OXR1: variants seen among roughly 807,000 people sequenced by gnomAD.
The protein encoded by OXR1 is oxidation resistance 1, also known as oxidation resistance protein 1.
OXR1 carries 41 observed loss-of-function variants against 104.6 expected under a neutral mutation model. The observed-to-expected ratio is 0.39, with a 90% confidence interval of 0.31 to 0.51. The LOEUF is 0.51. OXR1 is among the 20% of genes least tolerant of loss of function. The pLI, the probability that OXR1 is intolerant of heterozygous loss-of-function variation, is 0.77. For missense variants in OXR1, 955 were observed against 1,031.9 expected (o/e 0.93, Z 1.02); for synonymous variants, 348 against 348.4 (o/e 1.00, Z 0.01).
At chr8:106,726,098 T>A (rs1442997971) in intron 11 of OXR1, 2 of 1,317,640 alleles carry the variant, frequency 1.5e-6, no homozygotes, top group East Asian at 5.6e-5. Context: ...GCTCTCTCTC[T>A]TGTCAATCAA....
chr8:106,441,455 C>T (rs950659082), intron 2 of OXR1, among the ~76,000 whole-genome samples: 27 of 151,988 alleles, frequency 1.8e-4, no homozygotes, highest in African/African-American at 6.5e-4. Flanking sequence ...CTGTGAAGAA[C>T]GTCAATGGTA....
intron 3 of OXR1, among the ~76,000 whole-genome samples, chr8:106,636,095 T>C (rs1443531973): frequency 1.3e-5 from 2 of 152,206 alleles, no homozygotes; most frequent in Non-Finnish European, 2.9e-5. Flanking sequence ...CAGTTCACTT[T>C]AATGGTTGAC....
In OXR1 at chr8:106,298,372, A is replaced by G. The variant is rs142163090; in HGVS notation, c.-139+28005A>G. On this transcript the variant is annotated intron_variant, in intron 1 of 16. Coordinates refer to ENST00000517566, the MANE Select transcript of OXR1 (RefSeq NM_001198533.2). ...GTGTGCCGGGGAACTGCCCTTTATAAAACCATCAGATCTTGTGAGACTTAT... is the reference window on the plus strand; with the variant it reads ...GTGTGCCGGGGAACTGCCCTTTATAGAACCATCAGATCTTGTGAGACTTAT... Among the ~76,000 whole-genome samples the G allele has an allele frequency of 2.2e-3, 335 of 152,282 alleles. 1 individual carries two copies. The highest frequency in any genetic ancestry group is 3.5e-3 in the Non-Finnish European group (239 of 68,016).
chr8:106,744,905 C>G (rs1363851033), intron 15 of OXR1, among the ~76,000 whole-genome samples: 1 of 152,066 alleles, frequency 6.6e-6, no homozygotes, highest in Non-Finnish European at 1.5e-5. Context: ...AACTAGCTCA[C>G]CAGAATAACC....
At chr8:106,524,265 C>A (rs1813485102) in intron 3 of OXR1, among the ~76,000 whole-genome samples, 1 of 152,136 alleles carries the variant, frequency 6.6e-6, no homozygotes, top group South Asian at 2.1e-4. Context: ...CAAAGAACTA[C>A]ATATAAGGAC....
chr8:106,309,168 G>A (rs1813593395), intron 1 of OXR1, among the ~76,000 whole-genome samples: 1 of 152,024 alleles, frequency 6.6e-6, no homozygotes, highest in African/African-American at 2.4e-5. Context: ...TTTTGGTAGA[G>A]ATGAGCTCTC....
In OXR1 at chr8:106,473,457, A is replaced by G. The variant is rs536626786; in HGVS notation, c.24-45486A>G. Among the ~76,000 whole-genome samples the G allele has an allele frequency of 2.4e-4, 36 of 152,054 alleles. No individual in the cohort carries two copies. The South Asian group carries it at 7.5e-3, about 32-fold the overall frequency. ...CCTCATGTTTTCGTTAGAAAAATCA[A>G]AGAAATGTTAGGGTTCTGAGTACTA... is the stretch of plus-strand genomic sequence containing the variant. On this transcript the variant is annotated intron_variant, in intron 2 of 16. Transcript: ENST00000517566.
chr8:106,314,807 G>A (rs1813858518), intron 1 of OXR1, among the ~76,000 whole-genome samples: 1 of 152,088 alleles, frequency 6.6e-6, no homozygotes. Flanking sequence ...CAGAGAACAA[G>A]TATCCTAATT....
At chr8:106,653,083 A>AATATATAT (rs71307081) in intron 3 of OXR1, among the ~76,000 whole-genome samples, 29 of 137,138 alleles carry the variant, frequency 2.1e-4, no homozygotes, top group African/African-American at 6.3e-4. Flanking sequence ...AAAAAAAAAA[A>AATATATAT]ATATATATAT....
At chr8:106,370,860 T>G (rs1339320839) in intron 2 of OXR1, among the ~76,000 whole-genome samples, 1 of 152,176 alleles carries the variant, frequency 6.6e-6, no homozygotes, top group African/African-American at 2.4e-5. Context: ...GATGTTTTCT[T>G]TTTTTCTTGT....
intron 2 of OXR1, among the ~76,000 whole-genome samples, chr8:106,392,636 T>C (rs1454005541): frequency 6.6e-6 from 1 of 152,138 alleles, no homozygotes; most frequent in East Asian, 1.9e-4. Context: ...GCATAAAAAA[T>C]TGGTAATGGG....
chr8:106,404,232 A>G (rs1818121652), intron 2 of OXR1, among the ~76,000 whole-genome samples: 1 of 152,108 alleles, frequency 6.6e-6, no homozygotes, highest in South Asian at 2.1e-4. Context: ...CTTCTGCTGC[A>G]TGGAGAAGCT....
chr8:106,517,610 T>C (rs932314710), intron 2 of OXR1, among the ~76,000 whole-genome samples: 1 of 152,196 alleles, frequency 6.6e-6, no homozygotes, highest in African/African-American at 2.4e-5. Flanking sequence ...TTCTCATCAC[T>C]GCACTTTGTA....
intron 2 of OXR1, among the ~76,000 whole-genome samples, chr8:106,482,642 T>C (rs1054725914): frequency 6.6e-6 from 1 of 152,088 alleles, no homozygotes; most frequent in Admixed American, 6.6e-5. Flanking sequence ...ATTACTGTAT[T>C]GACACAACAA....
chr8:106,609,188 C>T (rs1353658979), intron 3 of OXR1, among the ~76,000 whole-genome samples: 3 of 151,948 alleles, frequency 2.0e-5, no homozygotes, highest in East Asian at 1.9e-4. Context: ...GGGAGAGGAT[C>T]GCTTGAGCCC....
At chr8:106,453,124 G>C (rs991424877) in intron 2 of OXR1, among the ~76,000 whole-genome samples, 2 of 152,150 alleles carry the variant, frequency 1.3e-5, no homozygotes, top group Non-Finnish European at 2.9e-5. Context: ...TGCCTGGTCA[G>C]ATGTGACTGC....
At chr8:106,718,712 G>A (rs1052839384) in intron 11 of OXR1, among the ~76,000 whole-genome samples, 1 of 151,880 alleles carries the variant, frequency 6.6e-6, no homozygotes, top group African/African-American at 2.4e-5. Context: ...GGTGGCGGGC[G>A]CTTCTTGTTG....
At chr8:106,316,046 C>CT (rs1176727664) in intron 1 of OXR1, among the ~76,000 whole-genome samples, 18 of 152,156 alleles carry the variant, frequency 1.2e-4, no homozygotes, top group Admixed American at 3.9e-4. Context: ...GTGTAACTTT[C>CT]TAACAGTTTT....
chr8:106,436,115 TA>T (rs71307059), intron 2 of OXR1, among the ~76,000 whole-genome samples: 34,312 of 151,750 alleles, frequency 0.23, 5,389 homozygotes, highest in African/African-American at 0.42. Flanking sequence ...CCTTTCTTCA[TA>T]AAAAAAATTA....
Sources: gnomAD v4.1 joint callset for allele counts (sites outside exome capture counted in the v4.1 genomes callset) on GRCh38, gnomAD v4.1.1 for gene constraint, MANE v1.5 for transcripts, NCBI Gene and HGNC (gene_info 2026-07-23, HGNC 2026-07-21) for gene names.